MARK1: variants seen among roughly 807,000 people sequenced by gnomAD.
The protein encoded by MARK1 is microtubule affinity regulating kinase 1.
Under a neutral mutation model 96.3 loss-of-function variants are expected in MARK1, and 40 were observed. That is an observed-to-expected ratio of 0.42 (90% CI 0.32 to 0.54). MARK1 has a LOEUF of 0.54. MARK1 is among the 20% of genes least tolerant of loss of function. The pLI, the probability that MARK1 is intolerant of heterozygous loss-of-function variation, is 0.16. For missense variants in MARK1, 719 were observed against 984.6 expected, an observed-to-expected ratio of 0.73 and a Z score of 3.61; for synonymous variants, 317 against 341.2, an observed-to-expected ratio of 0.93 and a Z score of 0.78.
At chr1:220,570,861 A>G (rs1663401534) in intron 1 of MARK1, among the ~76,000 whole-genome samples, 1 of 152,202 alleles carries the variant, frequency 6.6e-6, no homozygotes, top group Admixed American at 6.5e-5. Context: ...GCAGGCAGGA[A>G]CATATGGTAC....
At chr1:220,582,450 T>C (rs1664302274) in intron 3 of MARK1, among the ~76,000 whole-genome samples, 1 of 152,198 alleles carries the variant, frequency 6.6e-6, no homozygotes, top group African/African-American at 2.4e-5. Flanking sequence ...GTAGGACATA[T>C]CTTTGCCTAC....
chr1:220,614,248 A>G (rs1004519967), intron 6 of MARK1, among the ~76,000 whole-genome samples: 4 of 151,964 alleles, frequency 2.6e-5, no homozygotes, highest in African/African-American at 9.7e-5. Flanking sequence ...GCCTCAAGCG[A>G]TCATCCTCCC....
chr1:220,623,265 G>T (rs545867055), intron 9 of MARK1, among the ~76,000 whole-genome samples: 1 of 151,972 alleles, frequency 6.6e-6, no homozygotes, highest in Non-Finnish European at 1.5e-5. Context: ...GACTTTTAAC[G>T]TTAACTCTTT....
intron 11 of MARK1, among the ~76,000 whole-genome samples, chr1:220,634,830 C>T (rs1211274049): frequency 6.7e-6 from 1 of 149,586 alleles, no homozygotes; most frequent in Non-Finnish European, 1.5e-5. Context: ...AAACAGTAAA[C>T]CAGATTTTTT....
At chr1:220,553,215 C>G (rs527328525) in intron 1 of MARK1, among the ~76,000 whole-genome samples, 4 of 152,132 alleles carry the variant, frequency 2.6e-5, no homozygotes, top group African/African-American at 9.7e-5. Context: ...CCATTAGCAC[C>G]AGTCTGTGAA....
chr1:220,619,256 C>T (rs1666926356), intron 9 of MARK1, among the ~76,000 whole-genome samples: 1 of 152,128 alleles, frequency 6.6e-6, no homozygotes, highest in East Asian at 1.9e-4. Context: ...GGGCAGATCA[C>T]GAGGTCAGGA....
Position 220,579,338 on chromosome 1 carries a change from G to A in MARK1, c.52-16G>A, listed in dbSNP as rs2102836278. Reference sequence around the variant, plus strand: ...ATAATTTAATTAACAATGAAATCTTGTAAACTTTTTCTTAGCATACATCTG... The same window carrying A: ...ATAATTTAATTAACAATGAAATCTTATAAACTTTTTCTTAGCATACATCTG... On this transcript the variant is annotated splice_polypyrimidine_tract_variant and intron_variant, in intron 1 of 17. Transcript: ENST00000366917. 1.3e-6 allele frequency: 2 copies of A among 1,585,516 alleles called. No individual in the cohort carries two copies. The highest frequency in any genetic ancestry group is 4.5e-5 in the East Asian group (2 of 44,668).
At chr1:220,551,271 G>A (rs1000259416) in intron 1 of MARK1, among the ~76,000 whole-genome samples, 6 of 152,190 alleles carry the variant, frequency 3.9e-5, no homozygotes, top group African/African-American at 1.4e-4. Flanking sequence ...GCTGTGTCTG[G>A]CCCTGCACTG....
intron 1 of MARK1, among the ~76,000 whole-genome samples, chr1:220,575,540 G>A (rs1663772786): frequency 6.6e-6 from 1 of 152,230 alleles, no homozygotes; most frequent in South Asian, 2.1e-4. Context: ...TCCAAGGAAA[G>A]GTTGTCTCCT....
chr1:220,589,107 A>G (rs920840186), intron 3 of MARK1, among the ~76,000 whole-genome samples: 1 of 152,172 alleles, frequency 6.6e-6, no homozygotes, highest in Admixed American at 6.6e-5. Context: ...CAATGACCAC[A>G]ATGTGCTCCT....
intron 13 of MARK1, 57 bp downstream of exon 13, chr1:220,636,083 G>A (rs567599388): frequency 5.7e-6 from 7 of 1,232,546 alleles, no homozygotes; most frequent in East Asian, 2.7e-5. Context: ...TTAGGGTTAT[G>A]TGTAAAATTT....
At chr1:220,616,752 C>T (rs1324297346) in intron 7 of MARK1, among the ~76,000 whole-genome samples, 2 of 152,050 alleles carry the variant, frequency 1.3e-5, no homozygotes, top group East Asian at 3.9e-4. Context: ...TTCTGTTGCT[C>T]CAAATTTTTC....
At chr1:220,628,433 C>T (rs1667472110) in intron 9 of MARK1, among the ~76,000 whole-genome samples, 1 of 152,136 alleles carries the variant, frequency 6.6e-6, no homozygotes, top group Non-Finnish European at 1.5e-5. Context: ...GAAACTTCCC[C>T]CAGCAAAGTC....
chr1:220,623,242 A>G (rs1338063183), intron 9 of MARK1, among the ~76,000 whole-genome samples: 1 of 152,098 alleles, frequency 6.6e-6, no homozygotes, highest in African/African-American at 2.4e-5. Context: ...TTTTCTGGGA[A>G]AGTTTTTCCC....
chr1:220,658,500 A>C (rs1448445096), intron 17 of MARK1, among the ~76,000 whole-genome samples: 1 of 152,208 alleles, frequency 6.6e-6, no homozygotes, highest in Non-Finnish European at 1.5e-5. Context: ...TGTTCTAGGG[A>C]CCACATTATG....
At chr1:220,634,976 T>C (rs1667865791) in intron 11 of MARK1, among the ~76,000 whole-genome samples, 1 of 152,218 alleles carries the variant, frequency 6.6e-6, no homozygotes, top group African/African-American at 2.4e-5. Context: ...CTTAACTTTT[T>C]TAACCTCAGT....
chr1:220,649,745 T>G (rs1475211135), intron 13 of MARK1, among the ~76,000 whole-genome samples: 1 of 152,200 alleles, frequency 6.6e-6, no homozygotes, highest in African/African-American at 2.4e-5. Context: ...TCTATTAAGT[T>G]TGTAGCCCTC....
At position 220,653,301 on chromosome 1, in the gene MARK1, G is replaced by A; in HGVS notation, c.1937G>A (p.Arg646Lys). 3 of 1,614,202 alleles carry A rather than the reference G, an allele frequency of 1.9e-6. No homozygotes were observed. The highest frequency in any genetic ancestry group is 2.5e-6 in the Non-Finnish European group (3 of 1,180,028). ...HETGAFAHARRGTSTGIISKI... is the reference protein window; with the variant it reads ...HETGAFAHARKGTSTGIISKI... Reference sequence around the variant, plus strand: ...ACGGGTGCATTTGCACATGCCAGAAGGGGAACGTCAACTGGTATAATAAGC... The same window carrying A: ...ACGGGTGCATTTGCACATGCCAGAAAGGGAACGTCAACTGGTATAATAAGC... Residue 646 changes from arginine to lysine, a missense_variant, in exon 16 of 18, where the codon AGG (arginine) becomes AAG (lysine). By Grantham distance (26) the Arg-to-Lys change is conservative. This residue lies in a region of MARK1 where 501 missense variants were observed against 588.3 expected (regional missense o/e 0.85). Coordinates refer to ENST00000366917, the MANE Select transcript of MARK1 (RefSeq NM_018650.5).
intron 3 of MARK1, among the ~76,000 whole-genome samples, chr1:220,586,754 C>G (rs1367424929): frequency 1.3e-5 from 2 of 152,148 alleles, no homozygotes; most frequent in Non-Finnish European, 2.9e-5. Flanking sequence ...CTTTAAGTCA[C>G]CTATGAAGTT....
Sources: allele counts gnomAD v4.1 joint callset (sites outside exome capture counted in the v4.1 genomes callset), GRCh38; gene constraint gnomAD v4.1.1; regional missense constraint gnomAD v4.1.1; transcripts MANE v1.5; gene names NCBI Gene and HGNC (gene_info 2026-07-23, HGNC 2026-07-21).